Variants in NCKAP5 observed in about 807,000 individuals in gnomAD.
NCKAP5 encodes NCK associated protein 5.
In NCKAP5, 92 loss-of-function variants were observed where a neutral mutation model predicts 167.0. The observed-to-expected ratio is 0.55, with a 90% CI of 0.47 to 0.66. NCKAP5 has a LOEUF of 0.66. Among genes scored for constraint, NCKAP5 ranks in the 30% least tolerant of loss-of-function variants. The pLI is 0.00. For synonymous variants in NCKAP5, 891 were observed against 877.4 expected (o/e 1.02, Z -0.27); for missense variants, 2,378 against 2,315.0 (o/e 1.03, Z -0.56).
intron 3 of NCKAP5, among the ~76,000 whole-genome samples, chr2:133,312,934 T>G (rs1386343243): frequency 1.3e-5 from 2 of 152,208 alleles, no homozygotes; most frequent in Admixed American, 1.3e-4. Flanking sequence ...TCCATTCACA[T>G]TTAAGCCTCA....
chr2:133,401,245 T>G (rs371483217), intron 3 of NCKAP5, among the ~76,000 whole-genome samples: 13 of 152,218 alleles, frequency 8.5e-5, no homozygotes, highest in Admixed American at 2.0e-4. Flanking sequence ...GGAGAGAGCA[T>G]AGAAACTCCA....
At chr2:133,243,554 A>T (rs1483476244) in intron 4 of NCKAP5, among the ~76,000 whole-genome samples, 1 of 152,166 alleles carries the variant, frequency 6.6e-6, no homozygotes, top group Non-Finnish European at 1.5e-5. Context: ...ACATAAAATA[A>T]AACCATTTCT....
At chr2:133,256,077 T>C (rs115073744) in intron 4 of NCKAP5, among the ~76,000 whole-genome samples, 2 of 152,192 alleles carry the variant, frequency 1.3e-5, no homozygotes, top group East Asian at 1.9e-4. Context: ...ATCTGCTTGA[T>C]GAAATAATTG....
chr2:133,205,132 A>T (rs908389639), intron 5 of NCKAP5, among the ~76,000 whole-genome samples: 5 of 152,074 alleles, frequency 3.3e-5, no homozygotes, highest in Admixed American at 1.3e-4. Context: ...CTACAAAAAA[A>T]TTTAAAAAAA....
At chr2:132,944,410 T>G (rs534163820) in intron 8 of NCKAP5, among the ~76,000 whole-genome samples, 1 of 152,364 alleles carries the variant, frequency 6.6e-6, no homozygotes, top group African/African-American at 2.4e-5. Context: ...TGCCAATTTC[T>G]GTGTTAAGGA....
intron 3 of NCKAP5, among the ~76,000 whole-genome samples, chr2:133,445,539 C>T (rs1449030251): frequency 6.6e-6 from 1 of 152,172 alleles, no homozygotes; most frequent in Non-Finnish European, 1.5e-5. Flanking sequence ...CTTCCCTTTA[C>T]AGAGCATGTA....
intron 19 of NCKAP5, among the ~76,000 whole-genome samples, chr2:132,697,713 T>C (rs1687480797): frequency 6.6e-6 from 1 of 152,126 alleles, no homozygotes. Flanking sequence ...AACTGGGAAA[T>C]GAATTTTCTT....
At chr2:132,995,370 G>C (rs2077564096) in intron 6 of NCKAP5, among the ~76,000 whole-genome samples, 1 of 151,762 alleles carries the variant, frequency 6.6e-6, no homozygotes, top group Middle Eastern at 3.4e-3. Context: ...ACATTTTTTG[G>C]CTGGGCACGG....
chr2:133,213,581 TAC>T, intron 5 of NCKAP5, 133 bp downstream of exon 5: 1 of 798,346 alleles, frequency 1.3e-6, no homozygotes, highest in South Asian at 1.6e-5. Context: ...CTATTATAAA[TAC>T]ATCATTTGCC....
At chr2:133,548,873 T>C (rs942158666) in intron 2 of NCKAP5, among the ~76,000 whole-genome samples, 18 of 151,100 alleles carry the variant, frequency 1.2e-4, no homozygotes, top group African/African-American at 4.4e-4. Flanking sequence ...AATTCACACA[T>C]AACAATATTA....
intron 3 of NCKAP5, among the ~76,000 whole-genome samples, chr2:133,437,252 C>T (rs1437194900): frequency 6.6e-6 from 1 of 151,918 alleles, no homozygotes; most frequent in Non-Finnish European, 1.5e-5. Flanking sequence ...ACTCAGGAGG[C>T]TGAGGCAGGA....
chr2:132,979,862 G>C (rs1183371993), intron 7 of NCKAP5, among the ~76,000 whole-genome samples: 8 of 152,314 alleles, frequency 5.3e-5, no homozygotes, highest in Non-Finnish European at 1.5e-5. Context: ...TACAGTAGAG[G>C]CTGGTGTTGG....
At chr2:133,413,905 G>C (rs1295584769) in intron 3 of NCKAP5, among the ~76,000 whole-genome samples, 1 of 152,168 alleles carries the variant, frequency 6.6e-6, no homozygotes, top group African/African-American at 2.4e-5. Flanking sequence ...TAGAGGGACG[G>C]AGTTAAAGAC....
chr2:133,616,591 G>A, the NCKAP5 span, among the ~76,000 whole-genome samples: 5 of 152,016 alleles, frequency 3.3e-5, no homozygotes, highest in Non-Finnish European at 7.4e-5. Flanking sequence ...ACTCTCCCAA[G>A]ACTAAACCAG....
intron 6 of NCKAP5, among the ~76,000 whole-genome samples, chr2:133,030,180 A>T (rs577475913): frequency 6.6e-6 from 1 of 152,338 alleles, no homozygotes; most frequent in Non-Finnish European, 1.5e-5. Flanking sequence ...ATTTCCCATC[A>T]AATCACAGAA....
At chr2:133,276,858 A>G (rs569797537) in intron 4 of NCKAP5, among the ~76,000 whole-genome samples, 1 of 152,286 alleles carries the variant, frequency 6.6e-6, no homozygotes, top group East Asian at 1.9e-4. Context: ...CATTTAATCC[A>G]GGAATGCAAG....
chr2:132,798,944 C>A (rs1684812716), intron 11 of NCKAP5, among the ~76,000 whole-genome samples: 1 of 152,120 alleles, frequency 6.6e-6, no homozygotes, highest in Non-Finnish European at 1.5e-5. Context: ...CAAAAAGATA[C>A]AAGCACACAC....
At chr2:133,272,874 C>T (rs184348251) in intron 4 of NCKAP5, among the ~76,000 whole-genome samples, 4 of 152,250 alleles carry the variant, frequency 2.6e-5, no homozygotes, top group Non-Finnish European at 4.4e-5. Context: ...TGTTGTAGCA[C>T]GTATTGGTGC....
chr2:133,191,119 C>T (rs1483760891), intron 5 of NCKAP5, among the ~76,000 whole-genome samples: 4 of 151,934 alleles, frequency 2.6e-5, no homozygotes, highest in Admixed American at 6.6e-5. Flanking sequence ...CAAAGGAGAT[C>T]AACAACATTT....
Sources: gnomAD v4.1 joint callset for allele counts (sites outside exome capture counted in the v4.1 genomes callset) on GRCh38, gnomAD v4.1.1 for gene constraint, MANE v1.5 for transcripts, NCBI Gene and HGNC (gene_info 2026-07-23, HGNC 2026-07-21) for gene names.